The following PTPRC variants were observed in gnomAD, a reference collection of about 807,000 sequenced individuals.
The protein encoded by PTPRC is protein tyrosine phosphatase receptor type C, also known as receptor-type tyrosine-protein phosphatase C.
PTPRC carries 44 observed loss-of-function variants against 155.9 expected under a neutral mutation model. The ratio of observed to expected loss-of-function variants is 0.28; its 90% CI spans 0.22 to 0.36. PTPRC has a LOEUF of 0.36. Among genes scored for constraint, PTPRC ranks in the 10% least tolerant of loss-of-function variants. The pLI, the probability that PTPRC is intolerant of heterozygous loss-of-function variation, is 1.00. For synonymous variants in PTPRC, 525 were observed against 533.1 expected, an observed-to-expected ratio of 0.98 and a Z score of 0.21; for missense variants, 1,401 against 1,564.6, an observed-to-expected ratio of 0.90 and a Z score of 1.76.
At position 198,731,736 on chromosome 1, in the gene PTPRC, G is replaced by C; in HGVS notation, c.1974+10G>C. ...TCTGGCTGAATTTCAGGTGTGTGTTGCTTTTGTTATATGATGATAAATTCG... is the reference window on the plus strand; with the variant it reads ...TCTGGCTGAATTTCAGGTGTGTGTTCCTTTTGTTATATGATGATAAATTCG... On this transcript the variant is annotated intron_variant, in intron 18 of 32. Coordinates refer to ENST00000442510, the MANE Select transcript of PTPRC (RefSeq NM_002838.5). 1 of 1,559,682 alleles carries C rather than the reference G, an allele frequency of 6.4e-7. No homozygotes were observed. Among genetic ancestry groups the C allele is most frequent in the Non-Finnish European group, 8.8e-7 (1 of 1,131,260 alleles).
chr1:198,749,357 C>T, intron 27 of PTPRC, 59 bp from the exon 28 acceptor site: 2 of 1,509,024 alleles, frequency 1.3e-6, no homozygotes, highest in South Asian at 2.3e-5. Context: ...TTCCACATGA[C>T]AATGAAGAAG....
intron 14 of PTPRC, among the ~76,000 whole-genome samples, chr1:198,719,296 G>T (rs972902083): frequency 2.0e-5 from 3 of 151,820 alleles, no homozygotes; most frequent in Admixed American, 1.3e-4. Context: ...TTTTAATGAA[G>T]TTTCTTTACT....
At chr1:198,745,794 T>C (rs1210791474) in intron 26 of PTPRC, among the ~76,000 whole-genome samples, 3 of 151,668 alleles carry the variant, frequency 2.0e-5, no homozygotes, top group Non-Finnish European at 4.4e-5. Flanking sequence ...AAATGAATGA[T>C]GACTGAGGTG....
chr1:198,655,613 T>G lies in PTPRC; in HGVS notation c.73+16272T>G, dbSNP rs970436335. 1.7e-4 allele frequency among the ~76,000 whole-genome samples: 13 copies of G among 78,762 alleles called. No individual in the cohort carries two copies. In the South Asian group the frequency reaches 5.9e-3, roughly 36 times the overall value. 51.7% of individuals were successfully genotyped at this position (78,762 alleles called of 152,430 possible). ...GTGGTATTCAATAAGTGACTTGACT[T>G]CTTTAAGCCTGGTTTCTTTTTCAGT... On this transcript the variant is annotated intron_variant, in intron 2 of 32. Transcript: ENST00000442510.
In PTPRC at chr1:198,752,737, G is replaced by C; in HGVS notation, c.3474G>C (p.Lys1158Asn). 1 of 1,612,860 alleles carries C rather than the reference G, an allele frequency of 6.2e-7. No individual in the cohort carries two copies. Among genetic ancestry groups the C allele is most frequent in the Non-Finnish European group, 8.5e-7 (1 of 1,179,346 alleles). ...AGAAGAATTCCTCTGAAGGGAACAA[G>C]CATCACAAGAGTACACCTCTACTCA... ...LPQKNSSEGNKHHKSTPLLIH... is the reference protein window; with the variant it reads ...LPQKNSSEGNNHHKSTPLLIH... Residue 1158 changes from lysine (K) to asparagine (N), a missense_variant, in exon 31 of 33, where the codon AAG becomes AAC. By Grantham distance (94) the Lys-to-Asn change is moderately conservative. Around this residue, in one of 3 missense-constraint regions of PTPRC, gnomAD observed 400 missense variants for 389.5 expected, o/e 1.03. Transcript: ENST00000442510.
chr1:198,670,428 C>T (rs1004158273), intron 2 of PTPRC, among the ~76,000 whole-genome samples: 1 of 151,914 alleles, frequency 6.6e-6, no homozygotes, highest in Non-Finnish European at 1.5e-5. Context: ...AAAAGGAAGA[C>T]AAAATAGCTT....
chr1:198,706,054 T>C (rs918625017), intron 8 of PTPRC, among the ~76,000 whole-genome samples: 1 of 152,234 alleles, frequency 6.6e-6, no homozygotes, highest in African/African-American at 2.4e-5. Flanking sequence ...AACTTGCCTT[T>C]GAATTCCTAG....
intron 3 of PTPRC, among the ~76,000 whole-genome samples, chr1:198,695,701 G>T (rs1666170025): frequency 6.6e-6 from 1 of 151,978 alleles, no homozygotes; most frequent in Admixed American, 6.6e-5. Context: ...AAGTAAACTT[G>T]AGCTGTGGAT....
At chr1:198,750,033 T>A (rs1348019847) in intron 28 of PTPRC, among the ~76,000 whole-genome samples, 2 of 141,198 alleles carry the variant, frequency 1.4e-5, no homozygotes, top group African/African-American at 5.8e-5. Context: ...AAATATTTAT[T>A]ATTTATACAC....
At chr1:198,662,527 T>C (rs1664034139) in intron 2 of PTPRC, among the ~76,000 whole-genome samples, 1 of 151,820 alleles carries the variant, frequency 6.6e-6, no homozygotes, top group Non-Finnish European at 1.5e-5. Flanking sequence ...TACACAAATG[T>C]CAATATATAT....
chr1:198,662,908 A>G (rs1664059851), intron 2 of PTPRC, among the ~76,000 whole-genome samples: 1 of 152,114 alleles, frequency 6.6e-6, no homozygotes, highest in African/African-American at 2.4e-5. Flanking sequence ...TTCTGAACTA[A>G]CCATTCCCTC....
At chr1:198,717,944 T>C in intron 13 of PTPRC, 150 bp from the exon 14 acceptor site, 1 of 687,016 alleles carries the variant, frequency 1.5e-6, no homozygotes, top group South Asian at 1.8e-5. Context: ...GTTTTGATAT[T>C]GTTTTTTAAT....
chr1:198,708,432 C>T (rs745971050), intron 10 of PTPRC, among the ~76,000 whole-genome samples, 171 bp downstream of exon 10: 151 of 151,856 alleles, frequency 9.9e-4, no homozygotes, highest in Non-Finnish European at 1.6e-3. Flanking sequence ...TATTTAGAGT[C>T]AAATAATTAA....
intron 32 of PTPRC, among the ~76,000 whole-genome samples, chr1:198,755,551 G>A (rs1044847059): frequency 7.2e-5 from 11 of 152,004 alleles, no homozygotes; most frequent in Admixed American, 4.6e-4. Context: ...ATCAAGAAAC[G>A]CTTCTCGAAG....
rs969831120 is a variant in PTPRC, at chr1:198,754,499, T to A, written c.3645+95T>A. On this transcript the variant is annotated intron_variant, in intron 32 of 32. Transcript: ENST00000442510. ...TCTTTTCTCCTCTCCTTTCCTCTCG[T>A]TTGTTCTTTTTTCCCCTTTCCTTTT... 2.8e-6 allele frequency: 4 copies of A among 1,427,356 alleles called. No homozygotes were observed. The African/African-American group carries it at 4.3e-5, about 15-fold the overall frequency. 88.4% of individuals were successfully genotyped at this position (1,427,356 alleles called of 1,614,324 possible). A position where few individuals can be genotyped will look rare whatever the true frequency, so the allele number is the denominator to read the frequency against.
chr1:198,705,682 A>G (rs1652920062), intron 8 of PTPRC, among the ~76,000 whole-genome samples: 1 of 151,834 alleles, frequency 6.6e-6, no homozygotes, highest in South Asian at 2.1e-4. Flanking sequence ...CGGCCTTCCA[A>G]AATGCTAGGA....
At chr1:198,741,309 G>A (rs759696876) in intron 23 of PTPRC, among the ~76,000 whole-genome samples, 29 of 151,908 alleles carry the variant, frequency 1.9e-4, no homozygotes, top group African/African-American at 4.8e-4. Flanking sequence ...TTCCTCAGTC[G>A]TCTCTCTACA....
chr1:198,705,092 AG>A (rs754908594), intron 8 of PTPRC, among the ~76,000 whole-genome samples: 5 of 152,100 alleles, frequency 3.3e-5, no homozygotes, highest in Non-Finnish European at 7.4e-5. Flanking sequence ...GCTGGCTCAA[AG>A]CAGATACTTG....
intron 2 of PTPRC, among the ~76,000 whole-genome samples, chr1:198,642,912 CTTTCTTT>C (rs1557960181): frequency 1.5e-5 from 2 of 133,662 alleles, no homozygotes; most frequent in African/African-American, 5.7e-5. Context: ...TTCTTCCTTT[CTTTCTTT>C]CTTTCTTTCT....
Sources: allele counts gnomAD v4.1 joint callset (sites outside exome capture counted in the v4.1 genomes callset), GRCh38; gene constraint gnomAD v4.1.1; regional missense constraint gnomAD v4.1.1; transcripts MANE v1.5; gene names NCBI Gene and HGNC (gene_info 2026-07-23, HGNC 2026-07-21).